The following MAP3K15 variants were observed in gnomAD, a reference collection of about 807,000 sequenced individuals.
MAP3K15 encodes MAPK/ERK kinase kinase 15.
In MAP3K15, 124 loss-of-function variants were observed where a neutral mutation model predicts 99.5. That is an observed-to-expected ratio of 1.25 (90% CI 1.08 to 1.45). MAP3K15 has a LOEUF of 1.45. Among genes scored for constraint, MAP3K15 ranks in the 40% most tolerant of loss-of-function variants. The pLI is 0.00. For synonymous variants in MAP3K15, 494 were observed against 439.6 expected, an observed-to-expected ratio of 1.12 and a Z score of -1.55; for missense variants, 1,242 against 1,079.7, an observed-to-expected ratio of 1.15 and a Z score of -2.11.
intron 6 of MAP3K15, among the ~76,000 whole-genome samples, chrX:19,432,273 A>G (rs1409175142): frequency 9.0e-6 from 1 of 111,112 alleles, no homozygotes; most frequent in Non-Finnish European, 1.9e-5. Flanking sequence ...TCCACTATAA[A>G]ACATATGAGG....
intron 9 of MAP3K15, among the ~76,000 whole-genome samples, chrX:19,422,537 G>A (rs1382315442): frequency 8.9e-6 from 1 of 111,914 alleles, no homozygotes; most frequent in Non-Finnish European, 1.9e-5. Flanking sequence ...AACAGGTGCT[G>A]GAGAGGATGT....
chrX:19,451,289 AAAAAAAG>A (rs1240817196), intron 6 of MAP3K15, among the ~76,000 whole-genome samples: 1 of 95,307 alleles, frequency 1.0e-5, no homozygotes, highest in Admixed American at 1.1e-4. Context: ...CAAAAAAAAA[AAAAAAAG>A]AAGAAGATCA....
chrX:19,401,597 T>C (rs1332029076), intron 13 of MAP3K15, among the ~76,000 whole-genome samples: 4 of 111,535 alleles, frequency 3.6e-5, no homozygotes, highest in African/African-American at 1.3e-4. Context: ...GACAATCTAG[T>C]TCTCAGTAAG....
chrX:19,512,296 G>A (rs1465614183), intron 1 of MAP3K15, among the ~76,000 whole-genome samples: 4 of 111,407 alleles, frequency 3.6e-5, no homozygotes, highest in Non-Finnish European at 5.7e-5. Context: ...AAACCTGCAC[G>A]TTCAGCACAT....
rs748742421 is a variant in MAP3K15 at position 19,455,607 on chromosome X, G to A, written c.995+1306C>T. Among the ~76,000 whole-genome samples the A allele has an allele frequency of 2.8e-3, 263 of 92,394 alleles. 3 individuals are homozygous for A. The highest frequency in any genetic ancestry group is 0.011 in the African/African-American group (251 of 23,763). 80.2% of individuals were successfully genotyped at this position (92,394 alleles called of 115,157 possible). ...ACTCCTGAGCTCAAGTGATCTGCCC[G>A]CCTCGGCCTCCCAAAGTGCTGGGAT... On this transcript the variant is annotated intron_variant, in intron 6 of 28. Transcript: ENST00000338883.
At chrX:19,492,693 G>A (rs1465935651) in intron 1 of MAP3K15, among the ~76,000 whole-genome samples, 19 of 111,882 alleles carry the variant, frequency 1.7e-4, no homozygotes, top group South Asian at 3.7e-4. Context: ...CAGGCCGGGC[G>A]CGGTGGCTCA....
intron 3 of MAP3K15, among the ~76,000 whole-genome samples, chrX:19,476,780 CTGT>C (rs2064246105): frequency 8.9e-6 from 1 of 112,140 alleles, no homozygotes; most frequent in Non-Finnish European, 1.9e-5. Context: ...GCTAATTAAC[CTGT>C]TGTGACAGTT....
intron 6 of MAP3K15, among the ~76,000 whole-genome samples, chrX:19,444,230 G>A (rs2063979368): frequency 8.9e-6 from 1 of 112,069 alleles, no homozygotes. Context: ...CTATTCTAGT[G>A]TGCTGCTAAG....
At position 19,431,457 on chromosome X, in the gene MAP3K15, G is replaced by A. The variant is rs753417732; in HGVS notation, c.1147C>T (p.Arg383Cys). Residue 383 changes from arginine (R) to cysteine (C), a missense_variant, in exon 7 of 29, where the codon CGC becomes TGC. Coordinates refer to ENST00000338883, the MANE Select transcript of MAP3K15 (RefSeq NM_001001671.4). ...LDSDCKDDTS[R>C]DSAIEWYRKG... Reference sequence around the variant, plus strand: ...GTTTACCACTCAATGGCGCTGTCGCGGCTGGTGTCATCTTTGCAGTCTGAA... The same window carrying A: ...GTTTACCACTCAATGGCGCTGTCGCAGCTGGTGTCATCTTTGCAGTCTGAA... 111 of 1,198,173 alleles carry A rather than the reference G, an allele frequency of 9.3e-5. No individual in the cohort carries two copies. The highest frequency in any genetic ancestry group is 1.1e-4 in the Non-Finnish European group (101 of 894,762).
chrX:19,409,417 A>G (rs1435760608), intron 12 of MAP3K15, among the ~76,000 whole-genome samples: 1 of 111,359 alleles, frequency 9.0e-6, no homozygotes, highest in Non-Finnish European at 1.9e-5. Flanking sequence ...CTGCTTGGGT[A>G]AGGCCACACA....
At chrX:19,457,806 T>C in intron 5 of MAP3K15, among the ~76,000 whole-genome samples, 1 of 111,274 alleles carries the variant, frequency 9.0e-6, no homozygotes, top group East Asian at 2.8e-4. Context: ...GGACCATAAT[T>C]CTCTGTTGTG....
chrX:19,426,248 A>T lies in MAP3K15; in HGVS notation c.1262T>A (p.Leu421Ter). The change falls in exon 8 of 29, where the codon TTG becomes TAG. Residue 421 changes from leucine (L) to a stop codon, truncating the protein, a stop_gained. Transcript: ENST00000338883. LOFTEE classifies it high-confidence loss of function. ...IVAGQQFETS[L>*]ELRKIGVRLN... ...AGCTTTACCTATTTTCCTTAGTTCC[A>T]AGGAAGTTTCAAATTGTTGTCCAGC... 8.8e-7 allele frequency: 1 copy of T among 1,138,839 alleles called. No homozygotes were observed. The highest frequency in any genetic ancestry group is 1.2e-6 in the Non-Finnish European group (1 of 856,107). 93.9% of individuals were successfully genotyped at this position (1,138,839 alleles called of 1,213,427 possible).
intron 25 of MAP3K15, among the ~76,000 whole-genome samples, chrX:19,367,723 A>ACTTTTTTTTTTTTTTTTT (rs2063344451): frequency 4.1e-5 from 1 of 24,107 alleles, no homozygotes; most frequent in African/African-American, 1.3e-4. Flanking sequence ...ATAACTATGG[A>ACTTTTTTTTTTTTTTTTT]TTTTTTTTTT....
intron 6 of MAP3K15, among the ~76,000 whole-genome samples, chrX:19,451,967 G>A (rs2064041874): frequency 9.4e-6 from 1 of 106,844 alleles, no homozygotes; most frequent in Non-Finnish European, 1.9e-5. Context: ...GCTGAAGCAG[G>A]AGAATCACTT....
Position 19,360,168 on chromosome X carries a change from T to TCTCTACTTACACATTC in MAP3K15, c.*565_*580dup. Reference sequence around the variant, plus strand: ...TTTCAAAGGCCACATAACTTAGTTTTCTCTACTTACACATTCAGTATAAAT... The same window carrying TCTCTACTTACACATTC: ...TTTCAAAGGCCACATAACTTAGTTTTCTCTACTTACACATTCCTCTACTTACACATTCAGTATAAAT... On this transcript the variant is annotated 3_prime_UTR_variant, in exon 29 of 29. Coordinates refer to ENST00000338883, the MANE Select transcript of MAP3K15 (RefSeq NM_001001671.4). 1 of 152,303 alleles carries TCTCTACTTACACATTC rather than the reference T, an allele frequency of 6.6e-6. No homozygotes were observed. The allele number at this position is 152,303 out of a possible 1,213,427, so 12.6% of individuals were successfully genotyped here.
At chrX:19,462,936 T>TCCCTC (rs2147360918) in intron 4 of MAP3K15, among the ~76,000 whole-genome samples, 1 of 112,051 alleles carries the variant, frequency 8.9e-6, no homozygotes, top group South Asian at 3.7e-4. Context: ...ATCACAAGAG[T>TCCCTC]TGTTTGCCTA....
chrX:19,367,488 A>T lies in MAP3K15; in HGVS notation c.3566+1566T>A, dbSNP rs758494593. Reference sequence around the variant, plus strand: ...ACTTAAAAAAAAAAAAAAACTTTCAAAATGTTGCCACCACTACCATTTAAC... The same window carrying T: ...ACTTAAAAAAAAAAAAAAACTTTCATAATGTTGCCACCACTACCATTTAAC... On this transcript the variant is annotated intron_variant, in intron 25 of 28. Transcript: ENST00000338883. 3.8e-5 allele frequency among the ~76,000 whole-genome samples: 3 copies of T among 78,428 alleles called. No homozygotes were observed. In the African/African-American group the frequency reaches 5.5e-4, roughly 14 times the overall value. The allele number at this position is 78,428 out of a possible 115,157, so 68.1% of individuals were successfully genotyped here.
chrX:19,415,830 G>C (rs1322365449), intron 9 of MAP3K15, among the ~76,000 whole-genome samples: 1 of 111,662 alleles, frequency 9.0e-6, no homozygotes, highest in Non-Finnish European at 1.9e-5. Context: ...CTTACAAAAA[G>C]TTAAAATGTA....
At chrX:19,370,069 T>C (rs752587661) in intron 24 of MAP3K15, among the ~76,000 whole-genome samples, 60 of 111,533 alleles carry the variant, frequency 5.4e-4, no homozygotes, top group Admixed American at 1.2e-3. Flanking sequence ...ACACAGTGCA[T>C]TCGGGAGGGT....
Sources: gnomAD v4.1 joint callset for allele counts (sites outside exome capture counted in the v4.1 genomes callset) on GRCh38, gnomAD v4.1.1 for gene constraint, MANE v1.5 for transcripts, NCBI Gene and HGNC (gene_info 2026-07-23, HGNC 2026-07-21) for gene names.